Variants in COL26A1 observed in about 807,000 individuals in gnomAD.
The protein encoded by COL26A1 is collagen type XXVI alpha 1 chain.
In COL26A1, 41 loss-of-function variants were observed where a neutral mutation model predicts 59.3. The observed-to-expected ratio is 0.69, with a 90% CI of 0.54 to 0.90. The LOEUF (loss-of-function observed/expected upper bound fraction) is 0.90. Ranked by LOEUF, COL26A1 falls within the 40% of genes least tolerant of loss-of-function variation. The probability of loss-of-function intolerance (pLI) is 0.00; values close to 1 mark genes in which losing one functional copy is unlikely to be tolerated. For synonymous variants in COL26A1, 266 were observed against 256.0 expected (o/e 1.04, Z -0.37); for missense variants, 612 against 602.3 (o/e 1.02, Z -0.17).
intron 3 of COL26A1, among the ~76,000 whole-genome samples, chr7:101,451,707 C>CT (rs60481013): frequency 0.23 from 31,690 of 139,072 alleles, 9,282 homozygotes; most frequent in African/African-American, 0.68. Context: ...TCATTTGCAT[C>CT]TTTTTTTTTT....
At chr7:101,386,059 A>T (rs981933112) in intron 1 of COL26A1, among the ~76,000 whole-genome samples, 12 of 152,020 alleles carry the variant, frequency 7.9e-5, no homozygotes, top group Admixed American at 7.9e-4. Context: ...GGAATAAAAA[A>T]CCTCAAAACC....
chr7:101,498,810 A>G (rs1305215999), intron 3 of COL26A1, among the ~76,000 whole-genome samples: 1 of 152,160 alleles, frequency 6.6e-6, no homozygotes, highest in Non-Finnish European at 1.5e-5. Context: ...TGGGAGACGC[A>G]GGCTGGAGAG....
chr7:101,527,816 G>A (rs1165257140), intron 3 of COL26A1, among the ~76,000 whole-genome samples: 1 of 152,046 alleles, frequency 6.6e-6, no homozygotes, highest in Admixed American at 6.6e-5. Flanking sequence ...TCTCGGAGGG[G>A]CCAGGCATTT....
chr7:101,433,664 C>T (rs1792833098), intron 2 of COL26A1, among the ~76,000 whole-genome samples: 1 of 151,990 alleles, frequency 6.6e-6, no homozygotes, highest in Non-Finnish European at 1.5e-5. Context: ...AAGGCTGGGG[C>T]AGGCGGGGAA....
intron 2 of COL26A1, among the ~76,000 whole-genome samples, chr7:101,435,917 C>T (rs894846772): frequency 3.3e-5 from 5 of 152,322 alleles, no homozygotes; most frequent in Admixed American, 1.3e-4. Context: ...CCAGCCTCCC[C>T]CCTCTGGTTG....
chr7:101,428,631 T>C (rs571761299), intron 2 of COL26A1, among the ~76,000 whole-genome samples: 1 of 152,188 alleles, frequency 6.6e-6, no homozygotes, highest in South Asian at 2.1e-4. Context: ...TGGTGGACTT[T>C]GTGCAAGGTT....
At chr7:101,386,943 C>T (rs1000274034) in intron 1 of COL26A1, among the ~76,000 whole-genome samples, 1 of 152,160 alleles carries the variant, frequency 6.6e-6, no homozygotes, top group Admixed American at 6.6e-5. Flanking sequence ...GTCTCAGCGT[C>T]GGACAGAGCA....
chr7:101,388,613 G>T (rs1028197948), intron 1 of COL26A1, among the ~76,000 whole-genome samples: 10 of 150,016 alleles, frequency 6.7e-5, no homozygotes, highest in Non-Finnish European at 1.5e-4. Flanking sequence ...GCCCAGGCTC[G>T]AGTGTAATGG....
In COL26A1 at chr7:101,539,912, C is replaced by T; in HGVS notation, c.467C>T (p.Ala156Val). The change falls in exon 5 of 13, where the codon GCA becomes GTA. Residue 156 changes from alanine to valine, a missense_variant. Physicochemically the swap from Ala to Val is moderately conservative, Grantham distance 64. Coordinates refer to ENST00000313669, the MANE Select transcript of COL26A1 (RefSeq NM_001278563.3). ...GCCCAGGTCCTCCTGCTAGAAGCAG[C>T]AGAACGGCCCTCCAGCCCGGACAAC... is the stretch of plus-strand genomic sequence containing the variant. ...LEAKVLLLEA[A>V]ERPSSPDNDL... 1 of 1,612,586 alleles carries T rather than the reference C, an allele frequency of 6.2e-7. No homozygotes were observed. The highest frequency in any genetic ancestry group is 8.5e-7 in the Non-Finnish European group (1 of 1,179,316).
chr7:101,385,322 C>G (rs1791543901), intron 1 of COL26A1, among the ~76,000 whole-genome samples: 1 of 144,090 alleles, frequency 6.9e-6, no homozygotes, highest in African/African-American at 2.5e-5. Context: ...TATATATATA[C>G]TCGACACTAA....
At chr7:101,404,891 G>A (rs1383540469) in intron 1 of COL26A1, among the ~76,000 whole-genome samples, 1 of 150,430 alleles carries the variant, frequency 6.6e-6, no homozygotes, top group South Asian at 2.1e-4. Context: ...CACAGAGTGA[G>A]ATTTTGTCTC....
intron 5 of COL26A1, among the ~76,000 whole-genome samples, chr7:101,541,481 A>T (rs1334543630): frequency 6.7e-6 from 1 of 150,034 alleles, no homozygotes; most frequent in Admixed American, 6.6e-5. Flanking sequence ...AGTAGTTGGG[A>T]CTACGAGTGC....
intron 3 of COL26A1, among the ~76,000 whole-genome samples, chr7:101,481,495 C>T (rs1312978888): frequency 2.0e-5 from 3 of 150,716 alleles, no homozygotes; most frequent in East Asian, 3.9e-4. Flanking sequence ...ACTGTCACCC[C>T]GGCTGGAGTG....
chr7:101,418,456 T>A (rs1270151554), intron 1 of COL26A1, among the ~76,000 whole-genome samples: 1 of 152,008 alleles, frequency 6.6e-6, no homozygotes, highest in Non-Finnish European at 1.5e-5. Flanking sequence ...CCTTGAGGAC[T>A]TTTTTTCTTA....
chr7:101,527,063 C>CAT (rs1795262322), intron 3 of COL26A1, among the ~76,000 whole-genome samples: 1 of 152,150 alleles, frequency 6.6e-6, no homozygotes, highest in African/African-American at 2.4e-5. Flanking sequence ...CTCCACCTCC[C>CAT]AGGCTCAAGC....
chr7:101,504,758 G>A (rs1231497506), intron 3 of COL26A1, among the ~76,000 whole-genome samples: 2 of 152,250 alleles, frequency 1.3e-5, no homozygotes, highest in African/African-American at 2.4e-5. Flanking sequence ...ATTTTCCACC[G>A]TCACCGGCCA....
chr7:101,445,451 G>GCA (rs1231520415), intron 2 of COL26A1, among the ~76,000 whole-genome samples: 2 of 151,742 alleles, frequency 1.3e-5, no homozygotes, highest in African/African-American at 2.4e-5. Flanking sequence ...GAGTGAGGGG[G>GCA]CCGGGCGCGG....
At chr7:101,416,988 C>T (rs558866667) in intron 1 of COL26A1, among the ~76,000 whole-genome samples, 5 of 151,948 alleles carry the variant, frequency 3.3e-5, no homozygotes, top group East Asian at 1.9e-4. Context: ...GCTATCCACC[C>T]GCCTCAGCCT....
intron 3 of COL26A1, among the ~76,000 whole-genome samples, chr7:101,489,909 T>C (rs1183573952): frequency 9.7e-6 from 1 of 102,614 alleles, no homozygotes; most frequent in Non-Finnish European, 1.9e-5. Flanking sequence ...TTTCTTTCTT[T>C]CTTTCTTTCT....
Sources: allele counts gnomAD v4.1 joint callset (sites outside exome capture counted in the v4.1 genomes callset), GRCh38; gene constraint gnomAD v4.1.1; transcripts MANE v1.5; gene names NCBI Gene and HGNC (gene_info 2026-07-23, HGNC 2026-07-21).